The following PCDHGC3 variants were observed in gnomAD, a reference collection of about 807,000 sequenced individuals.
The protein encoded by PCDHGC3 is protocadherin gamma-C3.
A neutral mutation model predicts 59.2 loss-of-function variants in PCDHGC3; 26 were observed. That is an observed-to-expected ratio of 0.44 (90% CI 0.32 to 0.61). The LOEUF (loss-of-function observed/expected upper bound fraction) is 0.61. Ranked by LOEUF, PCDHGC3 falls within the 20% of genes least tolerant of loss-of-function variation. The pLI is 0.05. For missense variants in PCDHGC3, 1,080 were observed against 1,221.8 expected (o/e 0.88, Z 1.73); for synonymous variants, 487 against 519.7 (o/e 0.94, Z 0.86).
chr5:141,500,467 C>T lies in PCDHGC3; in HGVS notation c.2490-4926C>T, dbSNP rs368360639. 6.6e-5 allele frequency among the ~76,000 whole-genome samples: 10 copies of T among 152,262 alleles called. No homozygotes were observed. In the South Asian group the frequency reaches 2.1e-3, roughly 32 times the overall value. ...CTCGTGATCCGCCCGCCTCGGCCTC[C>T]CAAAGTGCTGGGATTACAGGCGTGA... is the stretch of plus-strand genomic sequence containing the variant. On this transcript the variant is annotated intron_variant, in intron 2 of 3. Coordinates refer to ENST00000308177, the MANE Select transcript of PCDHGC3 (RefSeq NM_002588.4).
chr5:141,476,039 C>T lies in PCDHGC3; in HGVS notation c.-78C>T. The T allele has an allele frequency of 1.3e-6, 2 of 1,484,358 alleles. No homozygotes were observed. The highest frequency in any genetic ancestry group is 1.8e-6 in the Non-Finnish European group (2 of 1,117,328). The allele number at this position is 1,484,358 out of a possible 1,614,324, so 91.9% of individuals were successfully genotyped here. On this transcript the variant is annotated 5_prime_UTR_variant, in exon 1 of 4. Coordinates refer to ENST00000308177, the MANE Select transcript of PCDHGC3 (RefSeq NM_002588.4). The surrounding 1 kb of genome is among the most constrained non-coding windows in gnomAD (Gnocchi z 7.6). Reference sequence around the variant, plus strand: ...TCGGACTCGGCGCCCAGCGCCCAAGCGCTAACCCGCTGAAAGTTTCTCAGC... The same window carrying T: ...TCGGACTCGGCGCCCAGCGCCCAAGTGCTAACCCGCTGAAAGTTTCTCAGC...
intron 2 of PCDHGC3, among the ~76,000 whole-genome samples, chr5:141,498,848 G>T (rs930895553): frequency 6.6e-6 from 1 of 151,908 alleles, no homozygotes; most frequent in African/African-American, 2.4e-5. Context: ...CAGGGGAATC[G>T]CTTGAACCCA....
chr5:141,501,831 C>G (rs1246452764), intron 2 of PCDHGC3, among the ~76,000 whole-genome samples: 1 of 152,176 alleles, frequency 6.6e-6, no homozygotes, highest in African/African-American at 2.4e-5. Context: ...GCCCACCCAC[C>G]TGTTTGGCCC....
intron 2 of PCDHGC3, among the ~76,000 whole-genome samples, chr5:141,500,027 G>C (rs1458308566): frequency 6.6e-6 from 1 of 151,808 alleles, no homozygotes; most frequent in Non-Finnish European, 1.5e-5. Flanking sequence ...ATATTTGAGT[G>C]AGTGTCTCTT....
In PCDHGC3 at chr5:141,505,352, C is replaced by T. The variant is rs371829394; in HGVS notation, c.2490-41C>T. 1.5e-5 allele frequency: 25 copies of T among 1,613,302 alleles called. No individual in the cohort carries two copies. In the South Asian group the frequency reaches 2.7e-4, roughly 18 times the overall value. ...AGGACAGGAGGGGCATGAGCTGTGCCGGCCTGGGAGTCTGTGCTCACCATC... is the reference window on the plus strand; with the variant it reads ...AGGACAGGAGGGGCATGAGCTGTGCTGGCCTGGGAGTCTGTGCTCACCATC... On this transcript the variant is annotated intron_variant, in intron 2 of 3. Transcript: ENST00000308177.
intron 2 of PCDHGC3, among the ~76,000 whole-genome samples, chr5:141,503,797 G>A (rs2099831309): frequency 6.6e-6 from 1 of 152,006 alleles, no homozygotes; most frequent in South Asian, 2.1e-4. Context: ...ATCTACTTAG[G>A]GACGGGGAAT....
intron 2 of PCDHGC3, among the ~76,000 whole-genome samples, chr5:141,495,912 CTT>C (rs1210428397): frequency 6.6e-6 from 1 of 152,140 alleles, no homozygotes; most frequent in Admixed American, 6.6e-5. Flanking sequence ...CTCTGTATAT[CTT>C]TCTTTGTCTC....
At position 141,490,044 on chromosome 5, in the gene PCDHGC3, T is replaced by C; in HGVS notation, c.2431-4763T>C. The C allele has an allele frequency of 1.2e-6, 2 of 1,614,192 alleles. No individual in the cohort carries two copies. Among genetic ancestry groups the C allele is most frequent in the Non-Finnish European group, 1.7e-6 (2 of 1,180,024 alleles). The stretch of plus-strand genomic sequence containing the variant: ...TGCTGCTCCGCCTCAATGCCACTGA[T>C]CCAGACGAGGGCACCAACGGCCAAC... On this transcript the variant is annotated intron_variant, in intron 1 of 3. Transcript: ENST00000308177. The surrounding 1 kb of genome is among the most constrained non-coding windows in gnomAD (Gnocchi z 5.4).
chr5:141,491,006 T>C lies in PCDHGC3; in HGVS notation c.2431-3801T>C. The C allele has an allele frequency of 6.2e-7, 1 of 1,614,062 alleles. No homozygotes were observed. Among genetic ancestry groups the C allele is most frequent in the Non-Finnish European group, 8.5e-7 (1 of 1,180,028 alleles). ...CGCTCTGCTCCTCCTGGCTCCTTGG[T>C]CACCAAGGTGACAGCCGTGGATGCT... On this transcript the variant is annotated intron_variant, in intron 1 of 3. Transcript: ENST00000308177. This position sits in a 1 kb window ranked among gnomAD's most constrained non-coding sequence, Gnocchi z 6.9.
chr5:141,511,695 C>A lies in PCDHGC3; in HGVS notation c.*522C>A, dbSNP rs1009832192. The A allele has an allele frequency of 9.7e-5, 19 of 195,544 alleles. No individual in the cohort carries two copies. The highest frequency in any genetic ancestry group is 1.7e-4 in the Non-Finnish European group (16 of 92,634). 12.1% of individuals were successfully genotyped at this position (195,544 alleles called of 1,614,324 possible). A position where few individuals can be genotyped will look rare whatever the true frequency, so the allele number is the denominator to read the frequency against. On this transcript the variant is annotated 3_prime_UTR_variant, in exon 4 of 4. Transcript: ENST00000308177. ...CTTCCCCCAAAGCATGGTTTGGTGC[C>A]AGCCCCTTCACCTCCTTCCAGAGCC...
At chr5:141,484,499 A>G (rs567556335) in intron 1 of PCDHGC3, among the ~76,000 whole-genome samples, 20 of 152,344 alleles carry the variant, frequency 1.3e-4, no homozygotes, top group African/African-American at 4.6e-4. Flanking sequence ...CCGTTTCTGA[A>G]TATTCTGCAG....
rs1562106021 is a variant in PCDHGC3 at position 141,485,561 on chromosome 5, G to T, written c.2430+7015G>T. 6.2e-7 allele frequency: 1 copy of T among 1,613,008 alleles called. No individual in the cohort carries two copies. Among genetic ancestry groups the T allele is most frequent in the Non-Finnish European group, 8.5e-7 (1 of 1,179,122 alleles). ...AGAGATCGTAGATGTGAATGATCAC[G>T]CCCCCCGTTTTCCGCGGCAGCAGCT... On this transcript the variant is annotated intron_variant, in intron 1 of 3. Coordinates refer to ENST00000308177, the MANE Select transcript of PCDHGC3 (RefSeq NM_002588.4). The surrounding 1 kb of genome is among the most constrained non-coding windows in gnomAD (Gnocchi z 5.7).
intron 1 of PCDHGC3, among the ~76,000 whole-genome samples, chr5:141,481,950 T>C (rs1378337886): frequency 2.7e-5 from 4 of 146,216 alleles, no homozygotes; most frequent in Admixed American, 1.4e-4. Flanking sequence ...CCAGATGTGG[T>C]GGCAGGTGCC....
intron 2 of PCDHGC3, among the ~76,000 whole-genome samples, chr5:141,503,010 A>T (rs1595838084): frequency 6.8e-6 from 1 of 146,772 alleles, no homozygotes; most frequent in East Asian, 2.0e-4. Context: ...TGCCCGGTTA[A>T]TTTTTTTTTT....
At chr5:141,494,999 G>T in intron 2 of PCDHGC3, 134 bp downstream of exon 2, 1 of 1,531,046 alleles carries the variant, frequency 6.5e-7, no homozygotes, top group Non-Finnish European at 8.8e-7. Context: ...GGGAGGTCTT[G>T]GTGTGCGGGG....
rs1314264090 is a variant in PCDHGC3, at chr5:141,490,459, C to T, written c.2431-4348C>T. 7 of 1,614,100 alleles carry T rather than the reference C, an allele frequency of 4.3e-6. No homozygotes were observed. Among genetic ancestry groups the T allele is most frequent in the Non-Finnish European group, 5.9e-6 (7 of 1,180,040 alleles). ...GCCTTCTGAGAACCACTACTCGCTG[C>T]TAACCAGCCAGCCTTTGGACCGGGA... On this transcript the variant is annotated intron_variant, in intron 1 of 3. Coordinates refer to ENST00000308177, the MANE Select transcript of PCDHGC3 (RefSeq NM_002588.4). The surrounding 1 kb of genome is among the most constrained non-coding windows in gnomAD (Gnocchi z 5.4).
rs1382073187 is a variant in PCDHGC3, at chr5:141,478,364, G to A, written c.2248G>A (p.Gly750Ser). ...CTTGCACGCGGACGCCGTGCGGGGAGGCCTGATGTCGCCGCACCTTTACCA... is the reference window on the plus strand; with the variant it reads ...CTTGCACGCGGACGCCGTGCGGGGAAGCCTGATGTCGCCGCACCTTTACCA... ...PSLHADAVRG[G>S]LMSPHLYHQV... The change falls in exon 1 of 4, where the codon GGC becomes AGC. Residue 750 changes from glycine (G) to serine (S), a missense_variant. Physicochemically the swap from Gly to Ser is moderately conservative, Grantham distance 56. Transcript: ENST00000308177. The A allele has an allele frequency of 1.2e-6, 2 of 1,613,660 alleles. No homozygotes were observed. The highest frequency in any genetic ancestry group is 2.7e-5 in the African/African-American group (2 of 74,950).
At position 141,476,980 on chromosome 5, in the gene PCDHGC3, C is replaced by T; in HGVS notation, c.864C>T (p.Arg288=). 6.2e-7 allele frequency: 1 copy of T among 1,614,232 alleles called. No individual in the cohort carries two copies. Among genetic ancestry groups the T allele is most frequent in the Non-Finnish European group, 8.5e-7 (1 of 1,180,044 alleles). The change falls in exon 1 of 4, where the codon CGC becomes CGT. Residue 288 remains arginine, a synonymous_variant. Coordinates refer to ENST00000308177, the MANE Select transcript of PCDHGC3 (RefSeq NM_002588.4). This position sits in a 1 kb window ranked among gnomAD's most constrained non-coding sequence, Gnocchi z 7.6. The part of the protein sequence containing the change: ...EIIYSFGSHN[R]AGVRQLFALD... Reference sequence around the variant, plus strand: ...TTTACTCCTTCGGCAGCCACAACCGCGCCGGCGTGCGGCAACTATTCGCCT... The same window carrying T: ...TTTACTCCTTCGGCAGCCACAACCGTGCCGGCGTGCGGCAACTATTCGCCT...
chr5:141,500,871 T>C (rs2154592764), intron 2 of PCDHGC3, among the ~76,000 whole-genome samples: 1 of 135,840 alleles, frequency 7.4e-6, no homozygotes, highest in African/African-American at 3.0e-5. Context: ...TACACATTCA[T>C]TTACAATTTT....
Sources: allele counts gnomAD v4.1 joint callset (sites outside exome capture counted in the v4.1 genomes callset), GRCh38; gene constraint gnomAD v4.1.1; non-coding constraint Gnocchi (gnomAD v3.1); transcripts MANE v1.5; gene names NCBI Gene and HGNC (gene_info 2026-07-23, HGNC 2026-07-21).